The following IQCM variants were observed in gnomAD, a reference collection of about 807,000 sequenced individuals.
IQCM encodes IQ motif containing M.
Under a neutral mutation model 57.6 loss-of-function variants are expected in IQCM, and 45 were observed. That is an observed-to-expected ratio of 0.78 (90% CI 0.62 to 1.00). The LOEUF (loss-of-function observed/expected upper bound fraction) is 1.00. Ranked by LOEUF, IQCM falls within the 50% of genes least tolerant of loss-of-function variation. The pLI is 0.00. For synonymous variants in IQCM, 148 were observed against 158.9 expected (o/e 0.93, Z 0.51); for missense variants, 468 against 511.6 (o/e 0.91, Z 0.82).
At chr4:149,353,952 G>A (rs1242645149) in intron 13 of IQCM, among the ~76,000 whole-genome samples, 2 of 152,084 alleles carry the variant, frequency 1.3e-5, no homozygotes, top group Non-Finnish European at 2.9e-5. Context: ...CAAAATAAAC[G>A]GGAATGATGT....
chr4:149,771,562 AC>A (rs2149988845), intron 2 of IQCM, among the ~76,000 whole-genome samples: 1 of 152,214 alleles, frequency 6.6e-6, no homozygotes, highest in Admixed American at 6.5e-5. Flanking sequence ...TCTTTCTTCC[AC>A]ATCTTTACTT....
chr4:149,689,291 CACCAAATTA>C (rs1762774526), intron 5 of IQCM, among the ~76,000 whole-genome samples: 1 of 152,000 alleles, frequency 6.6e-6, no homozygotes, highest in African/African-American at 2.4e-5. Context: ...TCATCATCTG[CACCAAATTA>C]ACACAGGAAC....
intron 5 of IQCM, among the ~76,000 whole-genome samples, chr4:149,729,577 C>T (rs1045603402): frequency 1.3e-5 from 2 of 151,982 alleles, no homozygotes; most frequent in Middle Eastern, 3.2e-3. Flanking sequence ...CAGGTTCAAG[C>T]GATTCTCCTG....
At chr4:149,405,836 T>C (rs1732935397) in intron 13 of IQCM, among the ~76,000 whole-genome samples, 1 of 146,804 alleles carries the variant, frequency 6.8e-6, no homozygotes, top group African/African-American at 2.5e-5. Flanking sequence ...AGCATATATA[T>C]ATATATATAT....
chr4:149,352,034 T>C lies in IQCM; in HGVS notation c.1423A>G (p.Ile475Val). ...GCCACCAACTTTCCAACAACCCGGA[T>C]GTTAGCTCGTTTGAGTGCTGGATGT... is the stretch of plus-strand genomic sequence containing the variant. ...NGHPALKRAN[I>V]RVVGKLVARS... The change falls in exon 14 of 14, where the codon ATC becomes GTC. Residue 475 changes from isoleucine (I) to valine (V), a missense_variant. Transcript: ENST00000636793. The C allele has an allele frequency of 2.5e-6, 1 of 398,970 alleles. No individual in the cohort carries two copies. The highest frequency in any genetic ancestry group is 4.4e-6 in the Non-Finnish European group (1 of 226,016). The allele number at this position is 398,970 out of a possible 1,614,324, so 24.7% of individuals were successfully genotyped here. A position where few individuals can be genotyped will look rare whatever the true frequency, so the allele number is the denominator to read the frequency against.
chr4:149,383,783 A>G (rs1313862613), intron 13 of IQCM, among the ~76,000 whole-genome samples: 2 of 152,046 alleles, frequency 1.3e-5, no homozygotes, highest in Non-Finnish European at 2.9e-5. Context: ...GAGAAACCAC[A>G]TCTCCACTAA....
chr4:149,512,598 G>A (rs771899842), intron 12 of IQCM, among the ~76,000 whole-genome samples: 1 of 152,014 alleles, frequency 6.6e-6, no homozygotes, highest in Non-Finnish European at 1.5e-5. Context: ...ATTCTACTAA[G>A]CCAGAGGTAA....
In IQCM at chr4:149,351,776, A is replaced by G. The variant is rs1578754472; in HGVS notation, c.*175T>C. The G allele has an allele frequency of 2.6e-6, 1 of 385,934 alleles. No individual in the cohort carries two copies. Among genetic ancestry groups the G allele is most frequent in the East Asian group, 3.7e-5 (1 of 27,114 alleles). 23.9% of individuals were successfully genotyped at this position (385,934 alleles called of 1,614,324 possible). ...TGTTTTTTATGAAGGAGATCAAATG[A>G]ATGGTGTTCATCCAAAAATACTAGA... On this transcript the variant is annotated 3_prime_UTR_variant, in exon 14 of 14. Coordinates refer to ENST00000636793, the MANE Select transcript of IQCM (RefSeq NM_001363507.2).
intron 9 of IQCM, among the ~76,000 whole-genome samples, chr4:149,576,935 T>C (rs752137650): frequency 5.3e-5 from 8 of 151,972 alleles, no homozygotes; most frequent in South Asian, 2.1e-4. Flanking sequence ...CCATTCTTAC[T>C]GGTGTGAGAT....
intron 12 of IQCM, among the ~76,000 whole-genome samples, chr4:149,499,064 A>C (rs1049422379): frequency 6.6e-6 from 1 of 152,192 alleles, no homozygotes; most frequent in Non-Finnish European, 1.5e-5. Context: ...GAGTGTTTAC[A>C]AGTGATATAT....
At chr4:149,396,883 G>C (rs1220047887) in intron 13 of IQCM, among the ~76,000 whole-genome samples, 1 of 151,856 alleles carries the variant, frequency 6.6e-6, no homozygotes, top group Non-Finnish European at 1.5e-5. Context: ...GTCACATATT[G>C]TAGAATTTTC....
At chr4:149,654,800 G>A (rs1184947731) in intron 7 of IQCM, among the ~76,000 whole-genome samples, 1 of 152,144 alleles carries the variant, frequency 6.6e-6, no homozygotes, top group African/African-American at 2.4e-5. Context: ...CACTTGAAAT[G>A]TGGCCAGTAT....
intron 2 of IQCM, among the ~76,000 whole-genome samples, chr4:149,746,447 T>C (rs1580187880): frequency 6.6e-6 from 1 of 152,206 alleles, no homozygotes; most frequent in African/African-American, 2.4e-5. Context: ...CCCAATTTCC[T>C]CTCTTTCTCT....
chr4:149,570,299 A>G (rs1310081420), intron 9 of IQCM, among the ~76,000 whole-genome samples: 1 of 152,094 alleles, frequency 6.6e-6, no homozygotes, highest in Non-Finnish European at 1.5e-5. Flanking sequence ...TTAATATATA[A>G]CATTTAAAGG....
chr4:149,722,160 A>T (rs1479438732), intron 5 of IQCM, among the ~76,000 whole-genome samples: 2 of 151,716 alleles, frequency 1.3e-5, no homozygotes, highest in Non-Finnish European at 2.9e-5. Flanking sequence ...CTCCTTGCTG[A>T]TTTGTTTGAG....
intron 10 of IQCM, among the ~76,000 whole-genome samples, chr4:149,555,384 T>C (rs1749480889): frequency 6.6e-6 from 1 of 152,190 alleles, no homozygotes; most frequent in South Asian, 2.1e-4. Flanking sequence ...CACGTGAACT[T>C]CATCCATTAT....
intron 10 of IQCM, among the ~76,000 whole-genome samples, chr4:149,562,679 G>A (rs757610250): frequency 3.9e-5 from 6 of 151,928 alleles, no homozygotes; most frequent in African/African-American, 1.2e-4. Context: ...ACAAAATTAC[G>A]GGATTAAGTA....
At chr4:149,549,254 G>A (rs765539217) in intron 11 of IQCM, among the ~76,000 whole-genome samples, 1 of 152,136 alleles carries the variant, frequency 6.6e-6, no homozygotes, top group Non-Finnish European at 1.5e-5. Context: ...GGTGGCTCAC[G>A]CCTGTAATCC....
chr4:149,573,769 CA>C (rs11289641), intron 9 of IQCM, among the ~76,000 whole-genome samples: 100,834 of 139,928 alleles, frequency 0.72, 35,749 homozygotes, highest in South Asian at 0.86. Flanking sequence ...GACCCTGGCT[CA>C]AAAAAAAAAA....
Sources: gnomAD v4.1 joint callset for allele counts (sites outside exome capture counted in the v4.1 genomes callset) on GRCh38, gnomAD v4.1.1 for gene constraint, MANE v1.5 for transcripts, NCBI Gene and HGNC (gene_info 2026-07-23, HGNC 2026-07-21) for gene names.